IL3RA: variants seen among roughly 807,000 people sequenced by gnomAD.
The protein encoded by IL3RA is interleukin 3 receptor subunit alpha.
IL3RA carries 73 observed loss-of-function variants against 52.3 expected under a neutral mutation model. That is an observed-to-expected ratio of 1.40 (90% CI 1.16 to 1.70). The LOEUF is 1.70. Among genes scored for constraint, IL3RA ranks in the 40% most tolerant of loss-of-function variants. The pLI is 0.00. For synonymous variants in IL3RA, 260 were observed against 194.0 expected, an observed-to-expected ratio of 1.34 and a Z score of -2.83; for missense variants, 664 against 504.4, an observed-to-expected ratio of 1.32 and a Z score of -3.03.
chrX:1,362,206 G>C (rs1295136514), intron 8 of IL3RA, among the ~76,000 whole-genome samples: 2 of 148,588 alleles, frequency 1.3e-5, no homozygotes, highest in Non-Finnish European at 3.0e-5. Context: ...CTCCGTTTCT[G>C]TCTCTCTCTC....
intron 8 of IL3RA, 47 bp from the exon 9 acceptor site, chrX:1,365,091 G>C: frequency 7.0e-7 from 1 of 1,427,618 alleles, no homozygotes; most frequent in Non-Finnish European, 9.8e-7. Context: ...TGAGAGTCAT[G>C]AGCCACCATA....
rs74465899 is a variant in IL3RA at position 1,358,625 on chromosome X, T to C, written c.733-236T>C. ...AGTGAGCCGAGATCACGCCACTGCA[T>C]TCCAGCCTGGGTGACGGAGTGAGAC... On this transcript the variant is annotated intron_variant, in intron 7 of 11. Transcript: ENST00000331035. Among the ~76,000 whole-genome samples, 31 of 152,176 alleles carry C rather than the reference T, an allele frequency of 2.0e-4. No individual in the cohort carries two copies. In the South Asian group the frequency reaches 5.4e-3, roughly 26 times the overall value.
chrX:1,381,904 G>C (rs1413944676), intron 11 of IL3RA, among the ~76,000 whole-genome samples: 2 of 151,830 alleles, frequency 1.3e-5, no homozygotes, highest in Admixed American at 6.6e-5. Flanking sequence ...CAGAGGAAAA[G>C]GAGGCAGACA....
chrX:1,343,514 A>G (rs1185462723), intron 2 of IL3RA, among the ~76,000 whole-genome samples: 1 of 151,408 alleles, frequency 6.6e-6, no homozygotes, highest in South Asian at 2.1e-4. Flanking sequence ...AAAATACAAA[A>G]AAATTAGCTG....
In IL3RA at chrX:1,352,376, T is replaced by C. The variant is rs1190118824; in HGVS notation, c.486T>C (p.Arg162=). Residue 162 remains arginine (R), a synonymous_variant, in exon 6 of 12, where the codon CGT becomes CGC. Coordinates refer to ENST00000331035, the MANE Select transcript of IL3RA (RefSeq NM_002183.4). Reference sequence around the variant, plus strand: ...ACAAAACGGATGCTCAGGGAACACGTATCGGGTGTCGTTTCGATGACATCT... The same window carrying C: ...ACAAAACGGATGCTCAGGGAACACGCATCGGGTGTCGTTTCGATGACATCT... ...LHYKTDAQGT[R]IGCRFDDISR... 1 of 1,613,846 alleles carries C rather than the reference T, an allele frequency of 6.2e-7. No individual in the cohort carries two copies. Among genetic ancestry groups the C allele is most frequent in the Non-Finnish European group, 8.5e-7 (1 of 1,179,856 alleles).
intron 4 of IL3RA, 105 bp downstream of exon 4, chrX:1,348,650 C>CTT (rs1299048382): frequency 2.8e-5 from 10 of 357,384 alleles, no homozygotes; most frequent in African/African-American, 7.5e-5. Context: ...TTTTCTCTTT[C>CTT]TTTCTTTCTT....
chrX:1,352,573 G>C, intron 6 of IL3RA, 67 bp downstream of exon 6: 1 of 1,503,676 alleles, frequency 6.7e-7, no homozygotes, highest in Non-Finnish European at 9.1e-7. Flanking sequence ...CGCCAGGCCA[G>C]ATCCCACGGG....
chrX:1,354,856 C>T (rs868597028), intron 6 of IL3RA, among the ~76,000 whole-genome samples: 2 of 5,024 alleles, frequency 4.0e-4, no homozygotes, highest in South Asian at 0.032. Context: ...GAGGAGGAGG[C>T]GGGGGAGGGA....
intron 4 of IL3RA, among the ~76,000 whole-genome samples, chrX:1,349,660 T>C (rs2085991479): frequency 6.6e-6 from 1 of 151,642 alleles, no homozygotes; most frequent in African/African-American, 2.4e-5. Flanking sequence ...ATTTTTTTGT[T>C]TTGTTTTGTT....
At chrX:1,378,365 T>C (rs1190894097) in intron 9 of IL3RA, among the ~76,000 whole-genome samples, 1 of 152,090 alleles carries the variant, frequency 6.6e-6, no homozygotes, top group Non-Finnish European at 1.5e-5. Context: ...GCGCTCCCCG[T>C]GTCCCGAGCA....
intron 6 of IL3RA, among the ~76,000 whole-genome samples, chrX:1,353,668 C>CCT (rs1284648351): frequency 2.1e-5 from 2 of 97,154 alleles, no homozygotes; most frequent in African/African-American, 4.9e-5. Flanking sequence ...CATGGGACCC[C>CCT]CCCCATCATG....
At chrX:1,354,451 G>C (rs1378358890) in intron 6 of IL3RA, among the ~76,000 whole-genome samples, 13 of 150,264 alleles carry the variant, frequency 8.7e-5, no homozygotes. Context: ...AGGAGGAGAA[G>C]GACAAGGAGA....
At chrX:1,363,386 C>T (rs1306682496) in intron 8 of IL3RA, among the ~76,000 whole-genome samples, 14 of 150,252 alleles carry the variant, frequency 9.3e-5, no homozygotes, top group Admixed American at 3.3e-4. Context: ...CTGCAAGCTC[C>T]GCCTCCCGGG....
chrX:1,361,869 C>T (rs1202244022), intron 8 of IL3RA, among the ~76,000 whole-genome samples: 1 of 151,878 alleles, frequency 6.6e-6, no homozygotes, highest in Non-Finnish European at 1.5e-5. Flanking sequence ...GAAACTGCCC[C>T]CATGATTCAG....
chrX:1,382,487 G>T lies in IL3RA; in HGVS notation c.*22G>T, dbSNP rs1175318273. 51 of 1,610,836 alleles carry T rather than the reference G, an allele frequency of 3.2e-5. No individual in the cohort carries two copies. The highest frequency in any genetic ancestry group is 5.0e-5 in the Admixed American group (3 of 59,952). On this transcript the variant is annotated 3_prime_UTR_variant, in exon 12 of 12. Transcript: ENST00000331035. ...TTGAGACTGGGGTTCAGGGCTTGTG[G>T]GGGTCTGCCTCAATCTCCCTGGCCG...
At chrX:1,340,869 C>G (rs1386485748) in intron 1 of IL3RA, among the ~76,000 whole-genome samples, 2 of 152,090 alleles carry the variant, frequency 1.3e-5, no homozygotes, top group Admixed American at 6.6e-5. Context: ...GTCATCCCAG[C>G]ACTTTGGGAG....
At chrX:1,382,230 T>A (rs1186140492) in intron 11 of IL3RA, among the ~76,000 whole-genome samples, 161 bp from the exon 12 acceptor site, 2 of 152,188 alleles carry the variant, frequency 1.3e-5, no homozygotes, top group Non-Finnish European at 2.9e-5. Flanking sequence ...ATTACAGGTG[T>A]GACCCACCGC....
At chrX:1,354,202 A>G (rs1372569083) in intron 6 of IL3RA, among the ~76,000 whole-genome samples, 1 of 152,118 alleles carries the variant, frequency 6.6e-6, no homozygotes, top group Non-Finnish European at 1.5e-5. Context: ...GTCCACCCTC[A>G]TAACTTCAGC....
chrX:1,347,146 C>G (rs2085776294), intron 3 of IL3RA, among the ~76,000 whole-genome samples: 5 of 151,554 alleles, frequency 3.3e-5, no homozygotes, highest in Admixed American at 2.6e-4. Flanking sequence ...GTGCGGATTG[C>G]TATAAGAATA....
Sources: allele counts gnomAD v4.1 joint callset (sites outside exome capture counted in the v4.1 genomes callset), GRCh38; gene constraint gnomAD v4.1.1; transcripts MANE v1.5; gene names NCBI Gene and HGNC (gene_info 2026-07-23, HGNC 2026-07-21).